Variants in MYO16 observed in about 807,000 individuals in gnomAD.
MYO16 encodes the protein myosin XVI.
A neutral mutation model predicts 205.3 loss-of-function variants in MYO16; 94 were observed. The ratio of observed to expected loss-of-function variants is 0.46; its 90% CI spans 0.39 to 0.54. The LOEUF (loss-of-function observed/expected upper bound fraction) is 0.54. Among genes scored for constraint, MYO16 ranks in the 20% least tolerant of loss-of-function variants. MYO16 has a pLI of 0.00. For missense variants in MYO16, 2,315 were observed against 2,387.5 expected, an observed-to-expected ratio of 0.97 and a Z score of 0.63; for synonymous variants, 988 against 954.0, an observed-to-expected ratio of 1.04 and a Z score of -0.66.
chr13:109,005,056 G>A (rs1363432428), intron 21 of MYO16, among the ~76,000 whole-genome samples: 1 of 152,146 alleles, frequency 6.6e-6, no homozygotes, highest in East Asian at 1.9e-4. Flanking sequence ...AAGACAGAGA[G>A]GAAAAGTTCT....
At chr13:108,531,331 T>G in the MYO16 span, among the ~76,000 whole-genome samples, 1 of 152,146 alleles carries the variant, frequency 6.6e-6, no homozygotes, top group Non-Finnish European at 1.5e-5. Flanking sequence ...AGGAAGAACA[T>G]CGGGAGGAAG....
intron 33 of MYO16, among the ~76,000 whole-genome samples, chr13:109,177,433 G>A (rs773416760): frequency 2.6e-5 from 4 of 152,208 alleles, no homozygotes; most frequent in Middle Eastern, 3.4e-3. Flanking sequence ...TATCGATTCC[G>A]CTCTGAGCTT....
chr13:108,768,702 T>C (rs961429520), intron 4 of MYO16, among the ~76,000 whole-genome samples: 2 of 152,176 alleles, frequency 1.3e-5, no homozygotes, highest in African/African-American at 4.8e-5. Flanking sequence ...ATGTGATGCA[T>C]TTGATGAGCA....
At chr13:108,651,594 T>A (rs7983841) in intron 1 of MYO16, among the ~76,000 whole-genome samples, 27,714 of 152,136 alleles carry the variant, frequency 0.18, 3,856 homozygotes, top group African/African-American at 0.38. Flanking sequence ...TACTACATTC[T>A]CTTACCAGAT....
intron 4 of MYO16, among the ~76,000 whole-genome samples, chr13:108,765,110 A>G (rs928364395): frequency 6.6e-5 from 10 of 152,140 alleles, no homozygotes; most frequent in African/African-American, 2.4e-4. Context: ...CCTCTTCCAC[A>G]CACATAGGTA....
intron 15 of MYO16, among the ~76,000 whole-genome samples, chr13:108,900,870 A>C (rs767381964): frequency 6.6e-6 from 1 of 152,190 alleles, no homozygotes; most frequent in Admixed American, 6.5e-5. Context: ...TTCTTTCAAA[A>C]GCAAATGGGA....
At chr13:108,838,573 C>T (rs987197830) in intron 9 of MYO16, among the ~76,000 whole-genome samples, 2 of 150,014 alleles carry the variant, frequency 1.3e-5, no homozygotes, top group South Asian at 4.2e-4. Context: ...GAGGCTGAGG[C>T]AGGAGAATCA....
At chr13:109,142,587 C>T (rs938865978) in intron 32 of MYO16, among the ~76,000 whole-genome samples, 1 of 152,292 alleles carries the variant, frequency 6.6e-6, no homozygotes, top group Middle Eastern at 3.4e-3. Flanking sequence ...TGTCCGCAAC[C>T]AGTCAGACTT....
intron 28 of MYO16, among the ~76,000 whole-genome samples, chr13:109,104,914 T>G (rs930650673): frequency 1.3e-5 from 2 of 152,296 alleles, no homozygotes; most frequent in African/African-American, 4.8e-5. Flanking sequence ...CTCTGCTTTG[T>G]TCTCCTCCAT....
At chr13:108,890,012 G>A (rs55714751) in intron 14 of MYO16, among the ~76,000 whole-genome samples, 2 of 151,862 alleles carry the variant, frequency 1.3e-5, no homozygotes, top group East Asian at 1.9e-4. Context: ...ATTCACCGCA[G>A]CCTCAACTTC....
chr13:108,710,885 GT>G (rs1883693141), intron 2 of MYO16, among the ~76,000 whole-genome samples: 1 of 152,170 alleles, frequency 6.6e-6, no homozygotes, highest in Non-Finnish European at 1.5e-5. Context: ...GTCAATATTA[GT>G]TAATTCATGA....
rs757032821 is a variant in MYO16, at chr13:108,793,637, C to T, written c.738C>T (p.Thr246=). The T allele has an allele frequency of 1.2e-6, 2 of 1,612,452 alleles. No homozygotes were observed. Among genetic ancestry groups the T allele is most frequent in the South Asian group, 2.2e-5 (2 of 90,878 alleles). The stretch of plus-strand genomic sequence containing the variant: ...ATGAGAAAAACGATGAAGGAGTAAC[C>T]CTGGTAAGTTCATATATTTGACTCA... ...NVNEKNDEGV[T]LLHMACASGY... The change falls in exon 6 of 35, where the codon ACC becomes ACT. Residue 246 remains threonine (T), a synonymous_variant. Coordinates refer to ENST00000457511, the MANE Select transcript of MYO16 (RefSeq NM_001198950.3).
chr13:108,831,760 G>A (rs569502776), intron 9 of MYO16, among the ~76,000 whole-genome samples: 4 of 152,262 alleles, frequency 2.6e-5, no homozygotes, highest in Non-Finnish European at 2.9e-5. Context: ...TCATCCACCC[G>A]CTTTGGCATT....
intron 4 of MYO16, among the ~76,000 whole-genome samples, chr13:108,734,665 A>T (rs1285834269): frequency 6.6e-6 from 1 of 152,240 alleles, no homozygotes; most frequent in Non-Finnish European, 1.5e-5. Context: ...GCATACACAG[A>T]ACTGTTCTAG....
chr13:108,832,837 T>G (rs1431660993), intron 9 of MYO16, among the ~76,000 whole-genome samples: 1 of 152,178 alleles, frequency 6.6e-6, no homozygotes, highest in Admixed American at 6.6e-5. Flanking sequence ...GCCTTTTTAA[T>G]CAAATATTAC....
chr13:108,879,202 A>G (rs535850048), intron 12 of MYO16, among the ~76,000 whole-genome samples: 1 of 152,356 alleles, frequency 6.6e-6, no homozygotes, highest in South Asian at 2.1e-4. Flanking sequence ...AAGTGAAGAC[A>G]TACAGTGTGT....
At chr13:108,837,782 GA>G (rs770255189) in intron 9 of MYO16, among the ~76,000 whole-genome samples, 22 of 152,138 alleles carry the variant, frequency 1.4e-4, no homozygotes, top group Non-Finnish European at 3.1e-4. Flanking sequence ...TTTGAGATAT[GA>G]AAGGAATATT....
At chr13:108,568,269 G>A in the MYO16 span, among the ~76,000 whole-genome samples, 7 of 152,082 alleles carry the variant, frequency 4.6e-5, no homozygotes, top group Non-Finnish European at 8.8e-5. Context: ...ATTTTGAGAA[G>A]CTATCAAACT....
intron 2 of MYO16, among the ~76,000 whole-genome samples, chr13:108,705,324 C>T (rs1883468105): frequency 6.6e-6 from 1 of 152,144 alleles, no homozygotes; most frequent in Non-Finnish European, 1.5e-5. Context: ...ACCTGGAACA[C>T]AGGAGCCTTT....
Sources: allele counts gnomAD v4.1 joint callset (sites outside exome capture counted in the v4.1 genomes callset), GRCh38; gene constraint gnomAD v4.1.1; transcripts MANE v1.5; gene names NCBI Gene and HGNC (gene_info 2026-07-23, HGNC 2026-07-21).